The following CHMP2B variants were observed in gnomAD, a reference collection of about 807,000 sequenced individuals.
CHMP2B encodes charged multivesicular body protein 2B, also known as VPS2 homolog B.
A neutral mutation model predicts 29.8 loss-of-function variants in CHMP2B; 22 were observed. The observed-to-expected ratio is 0.74, with a 90% CI of 0.53 to 1.05. The LOEUF (loss-of-function observed/expected upper bound fraction) is 1.05, where lower values mean the gene tolerates loss of function less well. Among genes scored for constraint, CHMP2B ranks in the 50% least tolerant of loss-of-function variants. The pLI is 0.00. For missense variants in CHMP2B, 261 were observed against 252.2 expected, an observed-to-expected ratio of 1.03 and a Z score of -0.24; for synonymous variants, 78 against 75.8, an observed-to-expected ratio of 1.03 and a Z score of -0.15.
intron 1 of CHMP2B, among the ~76,000 whole-genome samples, chr3:87,239,501 A>G (rs1356347580): frequency 2.0e-5 from 3 of 152,084 alleles, no homozygotes; most frequent in African/African-American, 4.8e-5. Context: ...GTACTATTTG[A>G]TGAAGAGACT....
At chr3:87,243,869 C>G (rs772274052) in intron 2 of CHMP2B, among the ~76,000 whole-genome samples, 150 of 151,804 alleles carry the variant, frequency 9.9e-4, no homozygotes, top group Non-Finnish European at 6.2e-4. Flanking sequence ...TGTTCTCTCT[C>G]TCTCTGTCTC....
At chr3:87,235,160 G>T (rs1212093406) in intron 1 of CHMP2B, among the ~76,000 whole-genome samples, 1 of 152,164 alleles carries the variant, frequency 6.6e-6, no homozygotes, top group Non-Finnish European at 1.5e-5. Flanking sequence ...CTCTTAAAGA[G>T]ATTGTAATCT....
intron 3 of CHMP2B, among the ~76,000 whole-genome samples, chr3:87,249,413 T>C (rs1706274063): frequency 1.3e-5 from 2 of 152,238 alleles, no homozygotes; most frequent in African/African-American, 2.4e-5. Flanking sequence ...TTTTATATTT[T>C]TTTAAACCAT....
At chr3:87,244,812 A>T (rs1385396317) in intron 2 of CHMP2B, among the ~76,000 whole-genome samples, 2 of 152,188 alleles carry the variant, frequency 1.3e-5, no homozygotes, top group Admixed American at 6.5e-5. Flanking sequence ...AGTTTCCTAC[A>T]AATGTCAGTT....
rs746197863 is a variant in CHMP2B, at chr3:87,240,703, A to G, written c.39A>G (p.Val13=). The G allele has an allele frequency of 1.2e-6, 2 of 1,605,574 alleles. No homozygotes were observed. Among genetic ancestry groups the G allele is most frequent in the Non-Finnish European group, 1.7e-6 (2 of 1,172,404 alleles). Residue 13 remains valine, a synonymous_variant, in exon 2 of 6, where the codon GTA becomes GTG. Transcript: ENST00000263780. ...TTTCTTTTGTGATTCTCCTAGATGT[A>G]ATAAAGGAACAGAATCGAGAGTTAC... The part of the protein sequence containing the change: ...SLFKKKTVDD[V]IKEQNRELRG...
At chr3:87,241,041 A>G (rs575545480) in intron 2 of CHMP2B, among the ~76,000 whole-genome samples, 179 of 152,356 alleles carry the variant, frequency 1.2e-3, no homozygotes, top group Non-Finnish European at 2.0e-3. Context: ...GAGAGTCATA[A>G]GTATCTAGGA....
intron 3 of CHMP2B, among the ~76,000 whole-genome samples, chr3:87,246,649 A>C (rs1353811639): frequency 6.6e-6 from 1 of 152,186 alleles, no homozygotes; most frequent in Admixed American, 6.5e-5. Context: ...ATTTATCAGA[A>C]TGTTTGTCTA....
chr3:87,229,483 A>C (rs992244299), intron 1 of CHMP2B, among the ~76,000 whole-genome samples: 7 of 152,262 alleles, frequency 4.6e-5, no homozygotes, highest in Non-Finnish European at 1.0e-4. Flanking sequence ...CCAGTCATTT[A>C]CTGACATCTT....
At chr3:87,253,617 A>T (rs1442303918) in intron 5 of CHMP2B, 95 bp from the exon 6 acceptor site, 1 of 1,361,598 alleles carries the variant, frequency 7.3e-7, no homozygotes, top group East Asian at 2.3e-5. Context: ...TTCTGTTTCA[A>T]AAGTAAATTA....
intron 2 of CHMP2B, among the ~76,000 whole-genome samples, chr3:87,244,858 A>C (rs534080567): frequency 6.6e-6 from 1 of 152,180 alleles, no homozygotes; most frequent in African/African-American, 2.4e-5. Context: ...TAAGCCTTCT[A>C]TATCACTGCA....
chr3:87,241,412 C>A (rs1044533286), intron 2 of CHMP2B, among the ~76,000 whole-genome samples: 10 of 152,030 alleles, frequency 6.6e-5, no homozygotes, highest in African/African-American at 2.4e-4. Flanking sequence ...AATGAACATA[C>A]CCATCTTCCC....
chr3:87,228,251 T>C (rs1705849517), intron 1 of CHMP2B, among the ~76,000 whole-genome samples: 1 of 152,246 alleles, frequency 6.6e-6, no homozygotes, highest in Admixed American at 6.5e-5. Context: ...TTTAGCTTAA[T>C]ATCATCTTAA....
chr3:87,251,875 C>A (rs547847823), intron 4 of CHMP2B, among the ~76,000 whole-genome samples: 145 of 151,062 alleles, frequency 9.6e-4, no homozygotes, highest in Admixed American at 2.0e-3. Context: ...TACTACTTTA[C>A]TTATACTTAT....
intron 1 of CHMP2B, among the ~76,000 whole-genome samples, chr3:87,229,979 C>T (rs1274435330): frequency 6.6e-6 from 1 of 152,108 alleles, no homozygotes; most frequent in African/African-American, 2.4e-5. Context: ...GAGAGGTATA[C>T]CTCAAGAGAA....
chr3:87,236,963 CATTTATT>C (rs1020183271), intron 1 of CHMP2B, among the ~76,000 whole-genome samples: 3 of 152,256 alleles, frequency 2.0e-5, no homozygotes, highest in Non-Finnish European at 4.4e-5. Flanking sequence ...TCCAGAAGTT[CATTTATT>C]ATTTAAGTTT....
chr3:87,248,079 G>T (rs943148449), intron 3 of CHMP2B, among the ~76,000 whole-genome samples: 2 of 151,888 alleles, frequency 1.3e-5, no homozygotes, highest in Non-Finnish European at 2.9e-5. Flanking sequence ...GGGCAGATCA[G>T]TTGAGGCCAG....
chr3:87,253,086 G>T, intron 4 of CHMP2B: 1 of 273,362 alleles, frequency 3.7e-6, no homozygotes, highest in Non-Finnish European at 7.1e-6. Context: ...GATACAATTT[G>T]TGAAATAATA....
At chr3:87,241,930 G>A (rs1348317491) in intron 2 of CHMP2B, among the ~76,000 whole-genome samples, 1 of 152,114 alleles carries the variant, frequency 6.6e-6, no homozygotes, top group Non-Finnish European at 1.5e-5. Flanking sequence ...CTTCCCATTA[G>A]CAATGTATGA....
chr3:87,238,773 ATTTG>A (rs1169281577), intron 1 of CHMP2B, among the ~76,000 whole-genome samples: 1 of 152,124 alleles, frequency 6.6e-6, no homozygotes, highest in Non-Finnish European at 1.5e-5. Context: ...ATGTAGAAGT[ATTTG>A]TTTGAATACT....
Sources: gnomAD v4.1 joint callset for allele counts (sites outside exome capture counted in the v4.1 genomes callset) on GRCh38, gnomAD v4.1.1 for gene constraint, MANE v1.5 for transcripts, NCBI Gene and HGNC (gene_info 2026-07-23, HGNC 2026-07-21) for gene names.